DCHS1: variants seen among roughly 807,000 people sequenced by gnomAD.
The protein encoded by DCHS1 is protocadherin-16.
DCHS1 carries 78 observed loss-of-function variants against 213.9 expected under a neutral mutation model. The ratio of observed to expected loss-of-function variants is 0.36; its 90% confidence interval spans 0.30 to 0.44. The LOEUF (loss-of-function observed/expected upper bound fraction) is 0.44, where lower values mean the gene tolerates loss of function less well. Among genes scored for constraint, DCHS1 ranks in the 20% least tolerant of loss-of-function variants. DCHS1 has a pLI of 1.00. For missense variants in DCHS1, 3,946 were observed against 4,395.9 expected, an observed-to-expected ratio of 0.90 and a Z score of 2.89; for synonymous variants, 1,828 against 1,873.7, an observed-to-expected ratio of 0.98 and a Z score of 0.63.
At chr11:6,647,422 G>GC (rs1328415713) in intron 1 of DCHS1, among the ~76,000 whole-genome samples, 9 of 152,306 alleles carry the variant, frequency 5.9e-5, no homozygotes, top group Non-Finnish European at 1.3e-4. Flanking sequence ...CCCTGGGACA[G>GC]CCCCATAGGA....
intron 1 of DCHS1, among the ~76,000 whole-genome samples, 151 bp downstream of exon 1, chr11:6,655,412 C>T (rs114655313): frequency 0.058 from 8,728 of 151,592 alleles, 495 homozygotes; most frequent in African/African-American, 0.15. Context: ...ACGTTCACGC[C>T]CGCCCGGGTC....
intron 5 of DCHS1, 116 bp downstream of exon 5, chr11:6,633,296 T>C (rs1855941247): frequency 1.7e-6 from 2 of 1,152,484 alleles, no homozygotes; most frequent in African/African-American, 3.1e-5. Context: ...GGTACAGGAG[T>C]GTTTTATACT....
In DCHS1 at chr11:6,623,548, A is replaced by G; in HGVS notation, c.8128T>C (p.Leu2710=). The part of the protein sequence containing the change: ...NDHGPAFPLN[L]LSTSVAENQP... ...TTCTCGGCCACGCTGGTGCTGAGTA[A>G]GTTCAGTGGGAAGGCTGGGCCATGA... The change falls in exon 21 of 21, where the codon TTA becomes CTA. Residue 2710 remains leucine, a synonymous_variant. Transcript: ENST00000299441. 1 of 1,612,454 alleles carries G rather than the reference A, an allele frequency of 6.2e-7. No individual in the cohort carries two copies. Among genetic ancestry groups the G allele is most frequent in the Non-Finnish European group, 8.5e-7 (1 of 1,179,280 alleles).
In DCHS1 at chr11:6,627,627, A is replaced by G. The variant is rs1293779773; in HGVS notation, c.5412T>C (p.Ser1804=). ...GTGGCCGCATGGTGCCAAACTCTCCAGAAGCAAGGTCTAGGACAAAGGCTC... is the reference window on the plus strand; with the variant it reads ...GTGGCCGCATGGTGCCAAACTCTCCGGAAGCAAGGTCTAGGACAAAGGCTC... ...PSGAFVLDLA[S]GEFGTMRPLD... is the part of the protein sequence containing the mutation. Residue 1804 remains serine (S), a synonymous_variant, in exon 14 of 21, where the codon TCT becomes TCC. Transcript: ENST00000299441. This position sits in a 1 kb window ranked among gnomAD's most constrained non-coding sequence, Gnocchi z 5.4. 6.2e-7 allele frequency: 1 copy of G among 1,613,340 alleles called. No homozygotes were observed. The highest frequency in any genetic ancestry group is 1.7e-5 in the Admixed American group (1 of 60,006).
rs757609469 is a variant in DCHS1 at position 6,629,858 on chromosome 11, G to C, written c.4849C>G (p.Leu1617Val). The stretch of plus-strand genomic sequence containing the variant: ...CCGTGGTCTGAGGCCACCACTGTCA[G>C]TACGTGCTCAGCTCGTTGTTCGCGG... Reference protein sequence around the residue: ...LDREQRAEHVLTVVASDHGSP... With the variant: ...LDREQRAEHVVTVVASDHGSP... The change falls in exon 11 of 21, where the codon CTG becomes GTG. Residue 1617 changes from leucine to valine, a missense_variant. Around this residue, in one of 3 missense-constraint regions of DCHS1, gnomAD observed 3,384 missense variants for 3,780.1 expected, o/e 0.90. Coordinates refer to ENST00000299441, the MANE Select transcript of DCHS1 (RefSeq NM_003737.4). The C allele has an allele frequency of 6.2e-7, 1 of 1,613,068 alleles. No homozygotes were observed. Among genetic ancestry groups the C allele is most frequent in the South Asian group, 1.1e-5 (1 of 91,074 alleles).
chr11:6,638,526 C>T (rs1233489636), intron 2 of DCHS1, among the ~76,000 whole-genome samples: 1 of 152,178 alleles, frequency 6.6e-6, no homozygotes, highest in Non-Finnish European at 1.5e-5. Flanking sequence ...TGTTCAGCAG[C>T]TCTTTCCTTA....
At chr11:6,634,846 G>C (rs1220446930) in intron 2 of DCHS1, 1 of 152,196 alleles carries the variant, frequency 6.6e-6, no homozygotes, top group Non-Finnish European at 1.5e-5. Context: ...GCCCAAATGA[G>C]AAGGCAGAAC....
chr11:6,632,529 C>T lies in DCHS1; in HGVS notation c.2983G>A (p.Gly995Arg). The change falls in exon 6 of 21, where the codon GGG becomes AGG. Residue 995 changes from glycine to arginine, a missense_variant. Around this residue, in one of 3 missense-constraint regions of DCHS1, gnomAD observed 3,384 missense variants for 3,780.1 expected, o/e 0.90. Coordinates refer to ENST00000299441, the MANE Select transcript of DCHS1 (RefSeq NM_003737.4). This position sits in a 1 kb window ranked among gnomAD's most constrained non-coding sequence, Gnocchi z 5.9. ...RVVVQDVGTR[G>R]LAPRFNSPTY... ...GGGCTGTTGAATCGGGGAGCCAGCC[C>T]ACGGGTTCCCACATCCTGTACCACC... 6.5e-7 allele frequency: 1 copy of T among 1,534,022 alleles called. No homozygotes were observed. Among genetic ancestry groups the T allele is most frequent in the Non-Finnish European group, 8.8e-7 (1 of 1,138,398 alleles).
chr11:6,621,644 G>C lies in DCHS1; in HGVS notation c.*135C>G. The C allele has an allele frequency of 9.8e-7, 1 of 1,019,136 alleles. No individual in the cohort carries two copies. The highest frequency in any genetic ancestry group is 2.0e-4 in the Middle Eastern group (1 of 4,992). The allele number at this position is 1,019,136 out of a possible 1,614,324, so 63.1% of individuals were successfully genotyped here. A position where few individuals can be genotyped will look rare whatever the true frequency, so the allele number is the denominator to read the frequency against. On this transcript the variant is annotated 3_prime_UTR_variant, in exon 21 of 21. Transcript: ENST00000299441. The stretch of plus-strand genomic sequence containing the variant: ...TACTCTGAGGGGGCTGGGGAGTTCA[G>C]GGTGGAGAGCTGGGGCCTGGTGGTG...
At position 6,630,277 on chromosome 11, in the gene DCHS1, G is replaced by A. The variant is rs1424724351; in HGVS notation, c.4517C>T (p.Thr1506Ile). The change falls in exon 10 of 21, where the codon ACT (threonine) becomes ATT (isoleucine). Residue 1506 changes from threonine (T) to isoleucine (I), a missense_variant. This residue lies in a region of DCHS1 where 3,384 missense variants were observed against 3,780.1 expected (regional missense o/e 0.90). Coordinates refer to ENST00000299441, the MANE Select transcript of DCHS1 (RefSeq NM_003737.4). Reference sequence around the variant, plus strand: ...TTCCACCAGCAGCAGCAGCGCGGGAGTGGTCTCTCGGTCCAGGCCGCGCGG... The same window carrying A: ...TTCCACCAGCAGCAGCAGCGCGGGAATGGTCTCTCGGTCCAGGCCGCGCGG... ...SAPRGLDRETTPALLLLVEAT... is the reference protein window; with the variant it reads ...SAPRGLDRETIPALLLLVEAT... The A allele has an allele frequency of 2.0e-6, 3 of 1,529,546 alleles. No individual in the cohort carries two copies. Among genetic ancestry groups the A allele is most frequent in the Non-Finnish European group, 2.6e-6 (3 of 1,141,642 alleles). The allele number at this position is 1,529,546 out of a possible 1,614,324, so 94.7% of individuals were successfully genotyped here.
Position 6,632,494 on chromosome 11 carries a change from A to G in DCHS1, c.3018T>C (p.Arg1006=). ...CAGTGGTGCCTGAGGGCAGGTCCACACGGTAGGTAGGGCTGTTGAATCGGG... is the reference window on the plus strand; with the variant it reads ...CAGTGGTGCCTGAGGGCAGGTCCACGCGGTAGGTAGGGCTGTTGAATCGGG... The part of the protein sequence containing the change: ...LAPRFNSPTY[R]VDLPSGTTAG... Residue 1006 remains arginine (R), a synonymous_variant, in exon 6 of 21, where the codon CGT becomes CGC. Coordinates refer to ENST00000299441, the MANE Select transcript of DCHS1 (RefSeq NM_003737.4). The surrounding 1 kb of genome is among the most constrained non-coding windows in gnomAD (Gnocchi z 5.9). The G allele has an allele frequency of 2.5e-6, 4 of 1,574,882 alleles. No homozygotes were observed. Among genetic ancestry groups the G allele is most frequent in the Non-Finnish European group, 3.5e-6 (4 of 1,158,716 alleles).
chr11:6,623,751 C>T lies in DCHS1; in HGVS notation c.7925G>A (p.Ser2642Asn), dbSNP rs1855745025. 2 of 1,613,952 alleles carry T rather than the reference C, an allele frequency of 1.2e-6. No homozygotes were observed. The highest frequency in any genetic ancestry group is 1.7e-6 in the Non-Finnish European group (2 of 1,179,906). Residue 2642 changes from serine (S) to asparagine (N), a missense_variant, in exon 21 of 21, where the codon AGC becomes AAC. By Grantham distance (46) the Ser-to-Asn change is conservative. Around this residue, in one of 3 missense-constraint regions of DCHS1, gnomAD observed 3,384 missense variants for 3,780.1 expected, o/e 0.90. Transcript: ENST00000299441. ...AAAGAGCCCTGATGGGTCGCCTGAG[C>T]TGACAGTGAAACGCACGAGGCCATG... Reference protein sequence around the residue: ...GPHGLVRFTVSSGDPSGLFEL... With the variant: ...GPHGLVRFTVNSGDPSGLFEL...
In DCHS1 at chr11:6,622,247, C is replaced by T; in HGVS notation, c.9429G>A (p.Val3143=). 6.2e-7 allele frequency: 1 copy of T among 1,603,206 alleles called. No individual in the cohort carries two copies. The highest frequency in any genetic ancestry group is 1.3e-5 in the African/African-American group (1 of 74,890). The part of the protein sequence containing the change: ...YGFPADGKPC[V]AGALTAIVAG... The stretch of plus-strand genomic sequence containing the variant: ...CCACAATGGCTGTCAGCGCACCTGC[C>T]ACACATGGCTTGCCATCTGCTGGGA... Residue 3143 remains valine (V), a synonymous_variant, in exon 21 of 21, where the codon GTG becomes GTA. Transcript: ENST00000299441. This position sits in a 1 kb window ranked among gnomAD's most constrained non-coding sequence, Gnocchi z 5.4.
intron 12 of DCHS1, 64 bp downstream of exon 12, chr11:6,629,388 T>C: frequency 6.4e-7 from 1 of 1,573,718 alleles, no homozygotes; most frequent in Non-Finnish European, 8.6e-7. Context: ...TTGGGTATTC[T>C]ATCCAGGTAA....
Position 6,640,678 on chromosome 11 carries a change from C to T in DCHS1, c.936G>A (p.Gly312=). The change falls in exon 2 of 21, where the codon GGG becomes GGA. Residue 312 remains glycine, a synonymous_variant. Coordinates refer to ENST00000299441, the MANE Select transcript of DCHS1 (RefSeq NM_003737.4). This position sits in a 1 kb window ranked among gnomAD's most constrained non-coding sequence, Gnocchi z 6.5. Reference sequence around the variant, plus strand: ...CCAGTGGCCGCTCTAACTGCAGCAGCCCCGTGTGTGCGTCGATGGAGAAGG... The same window carrying T: ...CCAGTGGCCGCTCTAACTGCAGCAGTCCCGTGTGTGCGTCGATGGAGAAGG... The part of the protein sequence containing the change: ...DGPFSIDAHT[G]LLQLERPLDF... 6.2e-7 allele frequency: 1 copy of T among 1,613,410 alleles called. No homozygotes were observed. The highest frequency in any genetic ancestry group is 8.5e-7 in the Non-Finnish European group (1 of 1,179,882).
At chr11:6,636,259 G>T (rs1855984380) in intron 2 of DCHS1, among the ~76,000 whole-genome samples, 1 of 152,074 alleles carries the variant, frequency 6.6e-6, no homozygotes, top group Non-Finnish European at 1.5e-5. Flanking sequence ...GCCCAGTCTG[G>T]GGTGCAGTGG....
At position 6,625,160 on chromosome 11, in the gene DCHS1, C is replaced by A. The variant is rs776062133; in HGVS notation, c.7146+38G>T. 9 of 1,542,490 alleles carry A rather than the reference C, an allele frequency of 5.8e-6. 1 individual carries two copies. The highest frequency in any genetic ancestry group is 2.5e-5 in the South Asian group (2 of 78,584). ...GATACTTCCCTCCAACAGGAACAAC[C>A]CAGGCCCAGGTGTAGGTGGATCCAT... On this transcript the variant is annotated intron_variant, in intron 19 of 20. Coordinates refer to ENST00000299441, the MANE Select transcript of DCHS1 (RefSeq NM_003737.4). This position sits in a 1 kb window ranked among gnomAD's most constrained non-coding sequence, Gnocchi z 5.3.
rs747075323 is a variant in DCHS1, at chr11:6,629,656, C to T, written c.5035+16G>A. ...CCCAGTCCATCCCACTCATAATTCA[C>T]CCCCCCAGGTCTTACCCACGTCGGG... On this transcript the variant is annotated intron_variant, in intron 11 of 20. Transcript: ENST00000299441. The T allele has an allele frequency of 6.2e-7, 1 of 1,610,910 alleles. No homozygotes were observed. The highest frequency in any genetic ancestry group is 8.5e-7 in the Non-Finnish European group (1 of 1,178,304).
Position 6,633,468 on chromosome 11 carries a change from G to T in DCHS1, c.2399C>A (p.Pro800Gln). The change falls in exon 5 of 21, where the codon CCA (proline) becomes CAA (glutamine). Residue 800 changes from proline to glutamine, a missense_variant. Pro to Gln is a moderately conservative substitution (Grantham distance 76). Around this residue, in one of 3 missense-constraint regions of DCHS1, gnomAD observed 3,384 missense variants for 3,780.1 expected, o/e 0.90. Transcript: ENST00000299441. The stretch of plus-strand genomic sequence containing the variant: ...ACTGGTGCCTGGTGCCACATCCTCT[G>T]GCACAGAAAAAACATACTGTAGTTG... Reference protein sequence around the residue: ...FEQLQYVFSVPEDVAPGTSVG... With the variant: ...FEQLQYVFSVQEDVAPGTSVG... 6.4e-7 allele frequency: 1 copy of T among 1,573,452 alleles called. No individual in the cohort carries two copies. The highest frequency in any genetic ancestry group is 8.6e-7 in the Non-Finnish European group (1 of 1,158,540).
Sources: gnomAD v4.1 joint callset for allele counts (sites outside exome capture counted in the v4.1 genomes callset) on GRCh38, gnomAD v4.1.1 for gene constraint, gnomAD v4.1.1 regional missense constraint, Gnocchi (gnomAD v3.1) non-coding constraint, MANE v1.5 for transcripts, NCBI Gene and HGNC (gene_info 2026-07-23, HGNC 2026-07-21) for gene names.